Variants in SIPA1L3 observed in about 807,000 individuals in gnomAD.
SIPA1L3 encodes the protein signal induced proliferation associated 1 like 3.
SIPA1L3 carries 59 observed loss-of-function variants against 150.1 expected under a neutral mutation model. The observed-to-expected ratio is 0.39, with a 90% CI of 0.32 to 0.49. SIPA1L3 has a LOEUF of 0.49. Ranked by LOEUF, SIPA1L3 falls within the 20% of genes least tolerant of loss-of-function variation. The pLI is 0.86. For missense variants in SIPA1L3, 2,211 were observed against 2,489.5 expected (o/e 0.89, Z 2.38); for synonymous variants, 1,070 against 1,077.6 (o/e 0.99, Z 0.14).
intron 1 of SIPA1L3, among the ~76,000 whole-genome samples, chr19:38,003,233 G>GGC (rs1967853128): frequency 6.6e-6 from 1 of 152,206 alleles, no homozygotes; most frequent in South Asian, 2.1e-4. Flanking sequence ...CAATGAGCAA[G>GGC]GCAGGCACAG....
At chr19:38,182,183 G>A (rs1175521766) in intron 15 of SIPA1L3, among the ~76,000 whole-genome samples, 2 of 150,328 alleles carry the variant, frequency 1.3e-5, no homozygotes, top group Non-Finnish European at 2.9e-5. Context: ...CAAACTGTAA[G>A]CCATAGTTCC....
intron 2 of SIPA1L3, among the ~76,000 whole-genome samples, chr19:38,074,812 T>A (rs1384022156): frequency 6.6e-6 from 1 of 152,242 alleles, no homozygotes. Context: ...TCACTTGGGC[T>A]GGAGTGCAGT....
rs766619197 is a variant in SIPA1L3, at chr19:38,081,937, G to A, written c.372G>A (p.Gln124=). ...CCATGAGGAGCATACAGAACGGACA[G>A]CCCCCCACCAGCACCCCGGCTTCCT... ...AHSMRSIQNG[Q]PPTSTPASSG... is the part of the protein sequence containing the mutation. Residue 124 remains glutamine, a synonymous_variant, in exon 3 of 22, where the codon CAG becomes CAA. Transcript: ENST00000222345. 1 of 1,614,112 alleles carries A rather than the reference G, an allele frequency of 6.2e-7. No individual in the cohort carries two copies. The highest frequency in any genetic ancestry group is 1.1e-5 in the South Asian group (1 of 91,086).
intron 6 of SIPA1L3, among the ~76,000 whole-genome samples, chr19:38,106,064 T>G (rs572514382): frequency 3.7e-4 from 56 of 152,162 alleles, no homozygotes; most frequent in Admixed American, 7.2e-4. Flanking sequence ...ACCAGTCTGG[T>G]GGGTACATAG....
chr19:37,997,594 C>A (rs1337913244), intron 1 of SIPA1L3, among the ~76,000 whole-genome samples: 1 of 129,626 alleles, frequency 7.7e-6, no homozygotes, highest in African/African-American at 3.0e-5. Flanking sequence ...AAAGGCCGGG[C>A]ACGTTGGCTC....
At chr19:38,197,053 A>C (rs139464332) in intron 18 of SIPA1L3, among the ~76,000 whole-genome samples, 1 of 152,150 alleles carries the variant, frequency 6.6e-6, no homozygotes, top group Non-Finnish European at 1.5e-5. Context: ...GCTGGAAGCC[A>C]TGTGAGCCCA....
rs1972167771 is a variant in SIPA1L3, at chr19:38,164,693, C to A, written c.3995C>A (p.Ala1332Asp). Reference protein sequence around the residue: ...CMSLAKAPRPAKPHKPPGSMG... With the variant: ...CMSLAKAPRPDKPHKPPGSMG... ...TCCCTGGCCAAGGCTCCACGGCCCGCCAAGCCACACAAGCCCCCTGGAAGT... is the reference window on the plus strand; with the variant it reads ...TCCCTGGCCAAGGCTCCACGGCCCGACAAGCCACACAAGCCCCCTGGAAGT... The change falls in exon 15 of 22, where the codon GCC becomes GAC. Residue 1332 changes from alanine (A) to aspartate (D), a missense_variant. Ala to Asp is a moderately radical substitution (Grantham distance 126). Around this residue, in one of 5 missense-constraint regions of SIPA1L3, gnomAD observed 806 missense variants for 870.1 expected, o/e 0.93. Transcript: ENST00000222345. The surrounding 1 kb of genome is among the most constrained non-coding windows in gnomAD (Gnocchi z 4.1). The A allele has an allele frequency of 6.2e-7, 1 of 1,613,904 alleles. No homozygotes were observed. The highest frequency in any genetic ancestry group is 8.5e-7 in the Non-Finnish European group (1 of 1,179,986).
chr19:38,155,864 T>C (rs916703949), intron 13 of SIPA1L3, among the ~76,000 whole-genome samples: 1 of 152,172 alleles, frequency 6.6e-6, no homozygotes, highest in African/African-American at 2.4e-5. Context: ...GCCGATCTCC[T>C]GAGATCAGGA....
intron 1 of SIPA1L3, among the ~76,000 whole-genome samples, chr19:37,934,084 C>T (rs558309145): frequency 2.7e-4 from 41 of 152,110 alleles, no homozygotes; most frequent in African/African-American, 6.7e-4. Context: ...ATGGTGAGCG[C>T]GAAGAATCTG....
At position 38,039,023 on chromosome 19, in the gene SIPA1L3, C is replaced by T. The variant is rs1458502990; in HGVS notation, c.-311+9867C>T. On this transcript the variant is annotated intron_variant, in intron 2 of 21. Coordinates refer to ENST00000222345, the MANE Select transcript of SIPA1L3 (RefSeq NM_015073.3). ...CTCAGCCTCCTGAGTAGCTGGACCACAGGCGTGCACCACCACGCCTGGCTA... is the reference window on the plus strand; with the variant it reads ...CTCAGCCTCCTGAGTAGCTGGACCATAGGCGTGCACCACCACGCCTGGCTA... Among the ~76,000 whole-genome samples, 4 of 152,100 alleles carry T rather than the reference C, an allele frequency of 2.6e-5. No homozygotes were observed. The East Asian group carries it at 7.7e-4, about 29-fold the overall frequency.
chr19:38,161,948 G>A (rs1284791671), intron 13 of SIPA1L3, among the ~76,000 whole-genome samples: 2 of 152,088 alleles, frequency 1.3e-5, no homozygotes, highest in Non-Finnish European at 2.9e-5. Flanking sequence ...AGGCTGAGGC[G>A]GGAGGATGGC....
intron 2 of SIPA1L3, among the ~76,000 whole-genome samples, chr19:38,029,594 A>G (rs987071564): frequency 3.3e-5 from 5 of 151,910 alleles, no homozygotes; most frequent in African/African-American, 1.2e-4. Context: ...CTCTTTTGGT[A>G]TATAGTTCTT....
In SIPA1L3 at chr19:38,073,528, C is replaced by G. The variant is rs536779744; in HGVS notation, c.-310-7728C>G. Among the ~76,000 whole-genome samples the G allele has an allele frequency of 2.0e-5, 3 of 152,340 alleles. No homozygotes were observed. The South Asian group carries it at 6.2e-4, about 32-fold the overall frequency. On this transcript the variant is annotated intron_variant, in intron 2 of 21. Transcript: ENST00000222345. ...AGGCTGCCCTAGTTTTCCCCATATACAGTTCCCCAGCTGCCCTCCTTCACA... is the reference window on the plus strand; with the variant it reads ...AGGCTGCCCTAGTTTTCCCCATATAGAGTTCCCCAGCTGCCCTCCTTCACA...
intron 1 of SIPA1L3, among the ~76,000 whole-genome samples, chr19:38,028,322 G>A (rs1056862182): frequency 1.3e-5 from 2 of 152,010 alleles, no homozygotes; most frequent in Non-Finnish European, 2.9e-5. Flanking sequence ...CCCTGCCACC[G>A]CTTGCCCCTC....
intron 16 of SIPA1L3, among the ~76,000 whole-genome samples, chr19:38,188,615 G>T (rs530886068): frequency 7.2e-5 from 11 of 152,120 alleles, no homozygotes; most frequent in Non-Finnish European, 8.8e-5. Context: ...ACTACAAAAG[G>T]GTTTGCAATA....
chr19:38,002,892 C>G (rs1015884982), intron 1 of SIPA1L3, among the ~76,000 whole-genome samples: 4 of 151,950 alleles, frequency 2.6e-5, no homozygotes, highest in African/African-American at 7.3e-5. Context: ...TGCCTGTAAT[C>G]CCAGCACTTT....
chr19:38,016,745 G>C (rs1316217690), intron 1 of SIPA1L3, among the ~76,000 whole-genome samples: 1 of 151,712 alleles, frequency 6.6e-6, no homozygotes, highest in Non-Finnish European at 1.5e-5. Context: ...CTCCTGCCTT[G>C]TCCTCCCAAA....
chr19:37,972,505 C>T (rs182299940), intron 1 of SIPA1L3, among the ~76,000 whole-genome samples: 1 of 152,126 alleles, frequency 6.6e-6, no homozygotes, highest in South Asian at 2.1e-4. Context: ...GAATTTGAGA[C>T]CAGCTTGGGC....
intron 10 of SIPA1L3, among the ~76,000 whole-genome samples, chr19:38,134,707 GAAAAAAAAAAAAA>G (rs3083628): frequency 1.1e-5 from 1 of 91,052 alleles, no homozygotes; most frequent in Non-Finnish European, 2.0e-5. Context: ...TCTGTTTCAG[GAAAAAAAAAAAAA>G]AAAAAAAAAA....
Sources: gnomAD v4.1 joint callset for allele counts (sites outside exome capture counted in the v4.1 genomes callset) on GRCh38, gnomAD v4.1.1 for gene constraint, gnomAD v4.1.1 regional missense constraint, Gnocchi (gnomAD v3.1) non-coding constraint, MANE v1.5 for transcripts, NCBI Gene and HGNC (gene_info 2026-07-23, HGNC 2026-07-21) for gene names.